The following TBC1D16 variants were observed in gnomAD, a reference collection of about 807,000 sequenced individuals.
TBC1D16 encodes the protein TBC1 domain family member 16, also known as CTD-2529O21.1.
TBC1D16 carries 58 observed loss-of-function variants against 74.7 expected under a neutral mutation model. That is an observed-to-expected ratio of 0.78 (90% CI 0.63 to 0.97). The LOEUF (loss-of-function observed/expected upper bound fraction) is 0.97, where lower values mean the gene tolerates loss of function less well. TBC1D16 is among the 50% of genes least tolerant of loss of function. The probability of loss-of-function intolerance (pLI) is 0.00; values close to 1 mark genes in which losing one functional copy is unlikely to be tolerated. For synonymous variants in TBC1D16, 493 were observed against 474.7 expected, an observed-to-expected ratio of 1.04 and a Z score of -0.50; for missense variants, 1,014 against 1,079.5, an observed-to-expected ratio of 0.94 and a Z score of 0.85.
chr17:80,026,854 A>G (rs2143337639), intron 1 of TBC1D16, among the ~76,000 whole-genome samples: 1 of 149,610 alleles, frequency 6.7e-6, no homozygotes, highest in South Asian at 2.1e-4. Flanking sequence ...CTGCCCCAGT[A>G]TGGAACTCAG....
chr17:79,950,375 TC>T lies in TBC1D16; in HGVS notation c.1257+35del. ...CGCTCGTTCCCGGTTCCCGGCCGGC[TC>T]TCCGCGGGGCCAGCTGGGCGGACCC... is the stretch of plus-strand genomic sequence containing the variant. On this transcript the variant is annotated intron_variant, in intron 6 of 11. Coordinates refer to ENST00000310924, the MANE Select transcript of TBC1D16 (RefSeq NM_019020.4). This position sits in a 1 kb window ranked among gnomAD's most constrained non-coding sequence, Gnocchi z 4.6. 6.4e-7 allele frequency: 1 copy of T among 1,555,424 alleles called. No homozygotes were observed. Among genetic ancestry groups the T allele is most frequent in the South Asian group, 1.2e-5 (1 of 84,458 alleles).
At chr17:80,013,649 C>T in intron 1 of TBC1D16, 40 bp from the exon 2 acceptor site, 1 of 1,297,080 alleles carries the variant, frequency 7.7e-7, no homozygotes, top group African/African-American at 1.5e-5. Flanking sequence ...AGGTTGTGGA[C>T]TTGCGTTCTG....
chr17:79,960,990 A>G (rs929578136), intron 3 of TBC1D16, among the ~76,000 whole-genome samples: 2 of 152,146 alleles, frequency 1.3e-5, no homozygotes, highest in Admixed American at 1.3e-4. Flanking sequence ...TACCCAAAAT[A>G]CATGGAAAAT....
At chr17:80,025,256 C>T (rs2036535224) in intron 1 of TBC1D16, among the ~76,000 whole-genome samples, 1 of 150,062 alleles carries the variant, frequency 6.7e-6, no homozygotes, top group Non-Finnish European at 1.5e-5. Context: ...TGCCTCTGTT[C>T]TCCGACAGCG....
At chr17:80,017,637 C>T (rs2036137042) in intron 1 of TBC1D16, among the ~76,000 whole-genome samples, 1 of 146,318 alleles carries the variant, frequency 6.8e-6, no homozygotes, top group Admixed American at 7.1e-5. Flanking sequence ...GCCTAGATCG[C>T]TCCATTGCAC....
At chr17:79,978,451 G>A (rs12945356) in intron 3 of TBC1D16, among the ~76,000 whole-genome samples, 4 of 152,168 alleles carry the variant, frequency 2.6e-5, no homozygotes, top group Non-Finnish European at 5.9e-5. Context: ...TGCCAGCCGT[G>A]GGGGCGGGGT....
rs1443595661 is a variant in TBC1D16 at position 80,001,983 on chromosome 17, C to T, written c.779+8177G>A. 6.6e-6 allele frequency among the ~76,000 whole-genome samples: 1 copy of T among 152,144 alleles called. No individual in the cohort carries two copies. The highest frequency in any genetic ancestry group is 1.9e-4 in the East Asian group (1 of 5,190). On this transcript the variant is annotated intron_variant, in intron 3 of 11. Coordinates refer to ENST00000310924, the MANE Select transcript of TBC1D16 (RefSeq NM_019020.4). This position sits in a 1 kb window ranked among gnomAD's most constrained non-coding sequence, Gnocchi z 5.8. Reference sequence around the variant, plus strand: ...AAGTGTGTCCTGATTCGTGTGCCACCGCTCACTTCTTCGCCCACCTCCAGG... The same window carrying T: ...AAGTGTGTCCTGATTCGTGTGCCACTGCTCACTTCTTCGCCCACCTCCAGG...
At chr17:79,948,791 G>C (rs763139757) in intron 8 of TBC1D16, 81 bp downstream of exon 8, 26 of 1,579,276 alleles carry the variant, frequency 1.6e-5, no homozygotes, top group Non-Finnish European at 2.2e-5. Flanking sequence ...AAACTCGCTG[G>C]GGGCTCATCC....
chr17:79,949,656 T>A (rs1429609719), intron 7 of TBC1D16, 61 bp downstream of exon 7: 1 of 1,566,776 alleles, frequency 6.4e-7, no homozygotes, highest in African/African-American at 1.4e-5. Flanking sequence ...CAAATTGCCT[T>A]TTCAAATGAC....
intron 10 of TBC1D16, chr17:79,943,873 A>G: frequency 1.4e-6 from 2 of 1,402,576 alleles, no homozygotes; most frequent in Non-Finnish European, 1.9e-6. Context: ...AAAACGTGCA[A>G]TGAGGCACGA....
intron 4 of TBC1D16, chr17:79,952,214 G>A (rs116423033): frequency 1.3e-5 from 2 of 159,930 alleles, no homozygotes; most frequent in African/African-American, 4.8e-5. Context: ...AGGAGGATCT[G>A]GTGTGGGGAA....
intron 1 of TBC1D16, among the ~76,000 whole-genome samples, chr17:80,015,467 A>G (rs1221280124): frequency 6.8e-6 from 1 of 147,696 alleles, no homozygotes. Flanking sequence ...AATAAAAGAC[A>G]GGCACAGAGC....
At chr17:79,967,771 A>C (rs1169274219) in intron 3 of TBC1D16, among the ~76,000 whole-genome samples, 1 of 152,194 alleles carries the variant, frequency 6.6e-6, no homozygotes, top group African/African-American at 2.4e-5. Context: ...GGAAATACAG[A>C]GGACCCAGAA....
At chr17:80,034,663 T>C (rs2036891708) in intron 1 of TBC1D16, among the ~76,000 whole-genome samples, 1 of 152,238 alleles carries the variant, frequency 6.6e-6, no homozygotes, top group South Asian at 2.1e-4. Context: ...TTATTCTTTA[T>C]TTACAAAAGC....
intron 3 of TBC1D16, among the ~76,000 whole-genome samples, chr17:80,006,737 C>T (rs2035693064): frequency 6.6e-6 from 1 of 152,056 alleles, no homozygotes; most frequent in Admixed American, 6.5e-5. Flanking sequence ...CAGCTCACTG[C>T]AGCCTTCACC....
At chr17:79,991,723 A>C (rs1013117162) in intron 3 of TBC1D16, among the ~76,000 whole-genome samples, 14 of 2,856 alleles carry the variant, frequency 4.9e-3, no homozygotes, top group Admixed American at 9.4e-3. Flanking sequence ...CGGGGCGGGG[A>C]GGGGGAGGGC....
intron 3 of TBC1D16, chr17:79,992,695 G>C (rs1055561533): frequency 1.3e-5 from 2 of 152,236 alleles, no homozygotes; most frequent in African/African-American, 4.8e-5. Flanking sequence ...ATATCGCAGG[G>C]CTCCTCCTCC....
intron 3 of TBC1D16, among the ~76,000 whole-genome samples, chr17:79,976,283 T>C (rs1051023336): frequency 1.3e-5 from 2 of 152,204 alleles, no homozygotes; most frequent in African/African-American, 4.8e-5. Flanking sequence ...TCCCAGGCTG[T>C]CTCTCTTGCA....
At chr17:79,945,854 A>G (rs965454025) in intron 9 of TBC1D16, among the ~76,000 whole-genome samples, 4 of 152,198 alleles carry the variant, frequency 2.6e-5, no homozygotes, top group Non-Finnish European at 4.4e-5. Flanking sequence ...GTGGAGTTAG[A>G]TCACAGCTGG....
Sources: gnomAD v4.1 joint callset for allele counts (sites outside exome capture counted in the v4.1 genomes callset) on GRCh38, gnomAD v4.1.1 for gene constraint, Gnocchi (gnomAD v3.1) non-coding constraint, MANE v1.5 for transcripts, NCBI Gene and HGNC (gene_info 2026-07-23, HGNC 2026-07-21) for gene names.